PLGRKT: variants seen among roughly 807,000 people sequenced by gnomAD.
The protein encoded by PLGRKT is plasminogen receptor with a C-terminal lysine, also known as plasminogen receptor (KT).
Under a neutral mutation model 18.5 loss-of-function variants are expected in PLGRKT, and 22 were observed. The observed-to-expected ratio is 1.19, with a 90% CI of 0.85 to 1.70. The LOEUF (loss-of-function observed/expected upper bound fraction) is 1.70. Ranked by LOEUF, PLGRKT falls within the 40% of genes most tolerant of loss-of-function variation. The pLI, the probability that PLGRKT is intolerant of heterozygous loss-of-function variation, is 0.00. For missense variants in PLGRKT, 235 were observed against 174.4 expected, an observed-to-expected ratio of 1.35 and a Z score of -1.96; for synonymous variants, 72 against 52.8, an observed-to-expected ratio of 1.36 and a Z score of -1.58.
intron 3 of PLGRKT, among the ~76,000 whole-genome samples, chr9:5,425,635 A>G (rs1173834674): frequency 6.6e-6 from 1 of 152,218 alleles, no homozygotes; most frequent in Non-Finnish European, 1.5e-5. Context: ...ACATTGCATT[A>G]CAGTCCCCTA....
At chr9:5,421,559 G>A (rs1197673986) in intron 3 of PLGRKT, among the ~76,000 whole-genome samples, 2 of 152,214 alleles carry the variant, frequency 1.3e-5, no homozygotes, top group Non-Finnish European at 2.9e-5. Context: ...TAGAGCAGGG[G>A]CTCCTCAATA....
At chr9:5,394,393 T>G (rs1258895990) in intron 3 of PLGRKT, among the ~76,000 whole-genome samples, 1 of 151,884 alleles carries the variant, frequency 6.6e-6, no homozygotes, top group South Asian at 2.1e-4. Flanking sequence ...CCATGAGGAT[T>G]TTTTAATGAG....
intron 3 of PLGRKT, among the ~76,000 whole-genome samples, chr9:5,386,210 G>A (rs1817839927): frequency 6.6e-6 from 1 of 151,882 alleles, no homozygotes; most frequent in Non-Finnish European, 1.5e-5. Context: ...TTGCTGGCCT[G>A]CATGCAGGAT....
intron 3 of PLGRKT, among the ~76,000 whole-genome samples, chr9:5,406,022 T>C (rs1818248765): frequency 6.6e-6 from 1 of 152,112 alleles, no homozygotes; most frequent in Non-Finnish European, 1.5e-5. Flanking sequence ...TCAACATCAC[T>C]GATCACTAGA....
intron 3 of PLGRKT, among the ~76,000 whole-genome samples, chr9:5,382,808 G>A (rs1009595136): frequency 1.3e-5 from 2 of 152,176 alleles, no homozygotes; most frequent in Non-Finnish European, 2.9e-5. Flanking sequence ...CCTTGAAGTA[G>A]GATGGCACAG....
chr9:5,365,420 T>A (rs550914281), intron 3 of PLGRKT, among the ~76,000 whole-genome samples: 1 of 152,114 alleles, frequency 6.6e-6, no homozygotes, highest in Non-Finnish European at 1.5e-5. Context: ...GAGACAAATA[T>A]CCTGTACAGA....
intron 1 of PLGRKT, chr9:5,437,527 G>C (rs1444232589): frequency 2.6e-5 from 4 of 152,220 alleles, no homozygotes; most frequent in East Asian, 1.9e-4. Flanking sequence ...TTTCTGTTGA[G>C]AGCACTGTGC....
intron 3 of PLGRKT, among the ~76,000 whole-genome samples, chr9:5,367,386 G>A (rs977090880): frequency 6.6e-6 from 1 of 151,954 alleles, no homozygotes; most frequent in African/African-American, 2.4e-5. Flanking sequence ...TAGTACAAAA[G>A]CAGAAACGTA....
intron 3 of PLGRKT, among the ~76,000 whole-genome samples, chr9:5,407,846 T>C (rs1477205980): frequency 2.0e-5 from 3 of 152,176 alleles, no homozygotes; most frequent in Non-Finnish European, 4.4e-5. Flanking sequence ...AAAAGCAAAA[T>C]GCTATTGCCA....
intron 2 of PLGRKT, among the ~76,000 whole-genome samples, chr9:5,434,234 A>C (rs1818907893): frequency 1.5e-5 from 2 of 133,816 alleles, no homozygotes; most frequent in South Asian, 4.9e-4. Context: ...CCCGCCTGGG[A>C]AGTGAGGGGC....
intron 3 of PLGRKT, among the ~76,000 whole-genome samples, chr9:5,424,859 G>A (rs1363025803): frequency 1.3e-5 from 2 of 150,658 alleles, no homozygotes; most frequent in African/African-American, 4.9e-5. Flanking sequence ...TTGTAGAGAT[G>A]GGGTTTCACC....
chr9:5,404,641 G>A (rs1424028944), intron 3 of PLGRKT, among the ~76,000 whole-genome samples: 1 of 152,178 alleles, frequency 6.6e-6, no homozygotes, highest in Middle Eastern at 3.4e-3. Context: ...AATAATAAGA[G>A]CCATTTATGA....
intron 3 of PLGRKT, among the ~76,000 whole-genome samples, chr9:5,405,334 A>G (rs1249682674): frequency 2.0e-5 from 3 of 152,238 alleles, no homozygotes; most frequent in African/African-American, 7.2e-5. Context: ...AGCTGGAGGA[A>G]TCATGCTACC....
At chr9:5,360,239 C>T (rs1213080978) in intron 5 of PLGRKT, among the ~76,000 whole-genome samples, 2 of 152,200 alleles carry the variant, frequency 1.3e-5, no homozygotes, top group East Asian at 3.8e-4. Flanking sequence ...GTAATAGTTA[C>T]AGACAAAGCA....
intron 3 of PLGRKT, among the ~76,000 whole-genome samples, chr9:5,385,496 C>T (rs1817825355): frequency 6.6e-6 from 1 of 151,718 alleles, no homozygotes; most frequent in South Asian, 2.1e-4. Context: ...CATTTTTTAA[C>T]TCTGGAATAA....
intron 3 of PLGRKT, among the ~76,000 whole-genome samples, chr9:5,370,156 A>G (rs1380947987): frequency 6.6e-6 from 1 of 152,218 alleles, no homozygotes; most frequent in Non-Finnish European, 1.5e-5. Flanking sequence ...GAGGAACCAC[A>G]TTCTAAACAC....
Position 5,383,491 on chromosome 9 carries a change from T to A in PLGRKT, c.82-21603A>T, listed in dbSNP as rs143775527. ...GTTTCAGGATGATTCAAGTGCATTA[T>A]ATTTATGGTGTACTTTATTTCTATT... On this transcript the variant is annotated intron_variant, in intron 3 of 5. Transcript: ENST00000223864. Among the ~76,000 whole-genome samples the A allele has an allele frequency of 6.7e-3, 1,014 of 152,302 alleles. 16 individuals are homozygous for A. Among genetic ancestry groups the A allele is most frequent in the African/African-American group, 0.024 (983 of 41,558 alleles).
chr9:5,429,976 C>A (rs892257437), intron 3 of PLGRKT, among the ~76,000 whole-genome samples: 8 of 152,288 alleles, frequency 5.3e-5, no homozygotes, highest in African/African-American at 1.7e-4. Context: ...CCACAACCCA[C>A]CCCTTGCTCA....
chr9:5,409,422 G>A (rs1197933305), intron 3 of PLGRKT, among the ~76,000 whole-genome samples: 1 of 152,124 alleles, frequency 6.6e-6, no homozygotes, highest in Non-Finnish European at 1.5e-5. Flanking sequence ...CTTGAACATC[G>A]GACTCCGAGT....
Sources: allele counts gnomAD v4.1 joint callset (sites outside exome capture counted in the v4.1 genomes callset), GRCh38; gene constraint gnomAD v4.1.1; transcripts MANE v1.5; gene names NCBI Gene and HGNC (gene_info 2026-07-23, HGNC 2026-07-21).